The following ARFGEF1 variants were observed in gnomAD, a reference collection of about 807,000 sequenced individuals.
The protein encoded by ARFGEF1 is brefeldin A-inhibited guanine nucleotide-exchange protein 1.
In ARFGEF1, 42 loss-of-function variants were observed where a neutral mutation model predicts 231.0. The ratio of observed to expected loss-of-function variants is 0.18; its 90% confidence interval spans 0.14 to 0.24. The LOEUF (loss-of-function observed/expected upper bound fraction) is 0.24, where lower values mean the gene tolerates loss of function less well. Among genes scored for constraint, ARFGEF1 ranks in the 10% least tolerant of loss-of-function variants. ARFGEF1 has a pLI of 1.00. For synonymous variants in ARFGEF1, 710 were observed against 732.3 expected (o/e 0.97, Z 0.49); for missense variants, 1,345 against 2,192.0 (o/e 0.61, Z 7.72).
chr8:67,238,390 G>T lies in ARFGEF1; in HGVS notation c.3242C>A (p.Thr1081Asn). The T allele has an allele frequency of 6.2e-7, 1 of 1,613,458 alleles. No homozygotes were observed. The highest frequency in any genetic ancestry group is 8.5e-7 in the Non-Finnish European group (1 of 1,179,796). The change falls in exon 22 of 39, where the codon ACT (threonine) becomes AAT (asparagine). Residue 1081 changes from threonine (T) to asparagine (N), a missense_variant. Thr to Asn is a moderately conservative substitution (Grantham distance 65, BLOSUM62 0). This residue lies in a region of ARFGEF1 where 146 missense variants were observed against 321.4 expected (regional missense o/e 0.45). Coordinates refer to ENST00000262215, the MANE Select transcript of ARFGEF1 (RefSeq NM_006421.5). The part of the protein sequence containing the change: ...GTVRGREGSL[T>N]GTKDQAPDEF... ...ATCAGGAGCCTGATCTTTTGTTCCA[G>T]TAAGAGATCCTTCTCTGCCTCGCAC...
intron 36 of ARFGEF1, among the ~76,000 whole-genome samples, chr8:67,202,440 G>A (rs993344057): frequency 6.6e-6 from 1 of 151,798 alleles, no homozygotes; most frequent in Non-Finnish European, 1.5e-5. Flanking sequence ...TTAATTTCTT[G>A]TAGAGACAGG....
chr8:67,175,047 T>G (rs1178320853), downstream of ARFGEF1: 8 of 418,062 alleles, frequency 1.9e-5, no homozygotes, highest in South Asian at 1.4e-4. Context: ...CAATGCAACA[T>G]CCACTGCTTG....
chr8:67,336,584 A>G (rs1808353113), intron 1 of ARFGEF1, among the ~76,000 whole-genome samples: 1 of 152,192 alleles, frequency 6.6e-6, no homozygotes, highest in African/African-American at 2.4e-5. Flanking sequence ...CTGGCATTCC[A>G]TAGCATGTGG....
At chr8:67,226,548 C>A (rs559815227) in intron 27 of ARFGEF1, among the ~76,000 whole-genome samples, 2 of 151,936 alleles carry the variant, frequency 1.3e-5, no homozygotes, top group Non-Finnish European at 2.9e-5. Context: ...GTAAGCACTA[C>A]GTAAAATAAT....
intron 14 of ARFGEF1, among the ~76,000 whole-genome samples, chr8:67,265,763 C>G (rs1804826669): frequency 6.6e-6 from 1 of 151,958 alleles, no homozygotes; most frequent in South Asian, 2.1e-4. Flanking sequence ...AGATGATACC[C>G]ATCAACAGCA....
At chr8:67,299,590 A>G (rs1048262382) in intron 3 of ARFGEF1, among the ~76,000 whole-genome samples, 1 of 152,226 alleles carries the variant, frequency 6.6e-6, no homozygotes, top group African/African-American at 2.4e-5. Flanking sequence ...TAACCACAAT[A>G]AAACCATCAG....
At chr8:67,258,043 T>C (rs749994641) in intron 16 of ARFGEF1, 42 bp downstream of exon 16, 2 of 1,535,710 alleles carry the variant, frequency 1.3e-6, no homozygotes, top group East Asian at 4.5e-5. Context: ...CACAGTGGTT[T>C]GGATATAACA....
chr8:67,208,920 T>G (rs924918919), intron 34 of ARFGEF1, among the ~76,000 whole-genome samples: 1 of 152,166 alleles, frequency 6.6e-6, no homozygotes, highest in South Asian at 2.1e-4. Flanking sequence ...CCCACTAGAA[T>G]GGTTATCATT....
intron 29 of ARFGEF1, among the ~76,000 whole-genome samples, chr8:67,221,816 T>A (rs1031665232): frequency 6.6e-6 from 1 of 151,300 alleles, no homozygotes; most frequent in African/African-American, 2.4e-5. Context: ...CTTTTTTTTT[T>A]CTTTCTTTTT....
rs1336033311 is a variant in ARFGEF1, at chr8:67,198,186, A to G, written c.*748T>C. The G allele has an allele frequency of 1.0e-6, 1 of 985,798 alleles. No homozygotes were observed. Among genetic ancestry groups the G allele is most frequent in the Non-Finnish European group, 1.2e-6 (1 of 829,928 alleles). 61.1% of individuals were successfully genotyped at this position (985,798 alleles called of 1,614,324 possible). The stretch of plus-strand genomic sequence containing the variant: ...CCCTATTGTTGAAGTGTCGGCCACA[A>G]CAGCTTCTGGGCATGTTACAGCCTC... On this transcript the variant is annotated 3_prime_UTR_variant, in exon 39 of 39. Coordinates refer to ENST00000262215, the MANE Select transcript of ARFGEF1 (RefSeq NM_006421.5).
At chr8:67,340,519 A>G (rs62513148) in intron 1 of ARFGEF1, among the ~76,000 whole-genome samples, 7,160 of 152,312 alleles carry the variant, frequency 0.047, 240 homozygotes, top group Non-Finnish European at 0.076. Context: ...AGGACAATAC[A>G]TTTGTGGGAA....
At chr8:67,205,857 C>CA (rs912690891) in intron 34 of ARFGEF1, among the ~76,000 whole-genome samples, 3 of 141,790 alleles carry the variant, frequency 2.1e-5, no homozygotes, top group South Asian at 2.2e-4. Context: ...GACTCCGTCT[C>CA]AAAAAAATAA....
intron 22 of ARFGEF1, among the ~76,000 whole-genome samples, chr8:67,236,334 AAAAAAGATAT>A (rs1839737794): frequency 8.1e-6 from 1 of 123,014 alleles, no homozygotes; most frequent in African/African-American, 3.1e-5. Context: ...AAAAAAAAAA[AAAAAAGATAT>A]TAGTTAAAAA....
At chr8:67,202,306 C>G (rs781080183) in intron 36 of ARFGEF1, among the ~76,000 whole-genome samples, 8 of 152,030 alleles carry the variant, frequency 5.3e-5, no homozygotes, top group Non-Finnish European at 1.0e-4. Flanking sequence ...GTTGCCCAGG[C>G]TGGAGGGGAG....
intron 22 of ARFGEF1, among the ~76,000 whole-genome samples, chr8:67,236,121 C>T (rs1282016293): frequency 6.7e-6 from 1 of 150,274 alleles, no homozygotes; most frequent in African/African-American, 2.5e-5. Context: ...ATGGTGAAAC[C>T]CTGTCTCTAC....
At chr8:67,222,585 C>G (rs1321784635) in intron 29 of ARFGEF1, among the ~76,000 whole-genome samples, 1 of 151,642 alleles carries the variant, frequency 6.6e-6, no homozygotes, top group African/African-American at 2.4e-5. Flanking sequence ...TAAGTAGCTG[C>G]GATTACAGGT....
chr8:67,318,188 G>T (rs187711072), intron 1 of ARFGEF1, among the ~76,000 whole-genome samples: 91 of 142,590 alleles, frequency 6.4e-4, no homozygotes, highest in African/African-American at 2.0e-3. Flanking sequence ...AGTGAGCCGA[G>T]ATGGTGCCAC....
chr8:67,332,512 A>C (rs976280185), intron 1 of ARFGEF1, among the ~76,000 whole-genome samples: 2 of 152,236 alleles, frequency 1.3e-5, no homozygotes, highest in Admixed American at 6.5e-5. Flanking sequence ...CTTCTTAAGC[A>C]GAAAAGAGAA....
chr8:67,343,249 G>C lies in ARFGEF1; in HGVS notation c.39C>G (p.Thr13=). The C allele has an allele frequency of 6.2e-7, 1 of 1,613,920 alleles. No individual in the cohort carries two copies. The highest frequency in any genetic ancestry group is 8.5e-7 in the Non-Finnish European group (1 of 1,179,882). ...EGKKTKNMFL[T]RALEKILADK... Reference sequence around the variant, plus strand: ...CGGCCAATATCTTCTCCAGAGCCCGGGTCAGGAACATGTTCTTCGTCTTCT... The same window carrying C: ...CGGCCAATATCTTCTCCAGAGCCCGCGTCAGGAACATGTTCTTCGTCTTCT... The change falls in exon 1 of 39, where the codon ACC becomes ACG. Residue 13 remains threonine (T), a synonymous_variant. Coordinates refer to ENST00000262215, the MANE Select transcript of ARFGEF1 (RefSeq NM_006421.5).
Sources: gnomAD v4.1 joint callset for allele counts (sites outside exome capture counted in the v4.1 genomes callset) on GRCh38, gnomAD v4.1.1 for gene constraint, gnomAD v4.1.1 regional missense constraint, MANE v1.5 for transcripts, NCBI Gene and HGNC (gene_info 2026-07-23, HGNC 2026-07-21) for gene names.